The following CLIC4 variants were observed in gnomAD, a reference collection of about 807,000 sequenced individuals.
CLIC4 encodes the protein CLIC family member 4.
In CLIC4, 13 loss-of-function variants were observed where a neutral mutation model predicts 24.6. The observed-to-expected ratio is 0.53, with a 90% CI of 0.34 to 0.84. The LOEUF is 0.84. CLIC4 is among the 40% of genes least tolerant of loss of function. The pLI is 0.01. For synonymous variants in CLIC4, 104 were observed against 111.3 expected (o/e 0.93, Z 0.41); for missense variants, 227 against 301.7 (o/e 0.75, Z 1.83).
At chr1:24,817,445 T>A (rs1048733742) in intron 3 of CLIC4, among the ~76,000 whole-genome samples, 3 of 152,220 alleles carry the variant, frequency 2.0e-5, no homozygotes, top group African/African-American at 7.2e-5. Flanking sequence ...CAAACTTTCT[T>A]CTGTAGATTT....
intron 1 of CLIC4, among the ~76,000 whole-genome samples, chr1:24,789,827 G>A (rs1466623851): frequency 6.6e-6 from 1 of 151,448 alleles, no homozygotes; most frequent in Non-Finnish European, 1.5e-5. Flanking sequence ...TTTGCTTCAA[G>A]CAGATCATTC....
chr1:24,756,087 C>T (rs1020998983), intron 1 of CLIC4, among the ~76,000 whole-genome samples: 21 of 151,638 alleles, frequency 1.4e-4, no homozygotes, highest in Non-Finnish European at 1.2e-4. Context: ...GCAAGCTCCG[C>T]CTCCTGGGTT....
intron 1 of CLIC4, among the ~76,000 whole-genome samples, chr1:24,765,788 T>C (rs1308552529): frequency 6.6e-6 from 1 of 150,920 alleles, no homozygotes; most frequent in Non-Finnish European, 1.5e-5. Flanking sequence ...GTATTTTTCT[T>C]TCCTTCTTTT....
At chr1:24,800,994 T>A (rs2124137541) in intron 2 of CLIC4, among the ~76,000 whole-genome samples, 1 of 149,648 alleles carries the variant, frequency 6.7e-6, no homozygotes, top group African/African-American at 2.5e-5. Flanking sequence ...CTGCTGACCT[T>A]CCCTCCACTA....
chr1:24,791,639 G>T (rs1043144176), intron 1 of CLIC4, among the ~76,000 whole-genome samples: 2 of 152,124 alleles, frequency 1.3e-5, no homozygotes, highest in Admixed American at 6.6e-5. Context: ...ATTTTGGGAG[G>T]CCGAGGCGGG....
At chr1:24,784,412 A>G (rs1000931599) in intron 1 of CLIC4, among the ~76,000 whole-genome samples, 8 of 152,182 alleles carry the variant, frequency 5.3e-5, no homozygotes, top group African/African-American at 1.9e-4. Flanking sequence ...GGTCTTAACC[A>G]CCATTCTCTG....
At chr1:24,766,500 TTTTTTTTTTTTTTTTTTTTTTG>T in intron 1 of CLIC4, among the ~76,000 whole-genome samples, 1 of 86,898 alleles carries the variant, frequency 1.2e-5, no homozygotes, top group African/African-American at 4.9e-5. Flanking sequence ...TTTTTTTTTT[TTTTTTTTTTTTTTTTTTTTTTG>T]AGACGGGGTC....
At chr1:24,830,541 T>G (rs1025713861) in intron 4 of CLIC4, among the ~76,000 whole-genome samples, 12 of 152,160 alleles carry the variant, frequency 7.9e-5, no homozygotes, top group Admixed American at 5.2e-4. Context: ...GTTTGTGCAT[T>G]TTAAATTTTG....
intron 1 of CLIC4, among the ~76,000 whole-genome samples, chr1:24,750,000 C>T (rs1292757440): frequency 6.6e-6 from 1 of 152,150 alleles, no homozygotes; most frequent in Non-Finnish European, 1.5e-5. Context: ...GGGAGGATTC[C>T]TTTAGCCTGG....
At chr1:24,813,325 A>G (rs1354120520) in intron 2 of CLIC4, among the ~76,000 whole-genome samples, 2 of 152,064 alleles carry the variant, frequency 1.3e-5, no homozygotes, top group African/African-American at 2.4e-5. Flanking sequence ...TACAGCCGTG[A>G]GCCACCGTGC....
chr1:24,778,397 T>G (rs1639165787), intron 1 of CLIC4, among the ~76,000 whole-genome samples: 2 of 152,216 alleles, frequency 1.3e-5, no homozygotes, highest in Admixed American at 1.3e-4. Flanking sequence ...AATACACTAC[T>G]CAATACATAG....
rs111722087 is a variant in CLIC4, at chr1:24,762,275, A to G, written c.72+16650A>G. Among the ~76,000 whole-genome samples, 68 of 152,290 alleles carry G rather than the reference A, an allele frequency of 4.5e-4. 1 individual carries two copies. Among genetic ancestry groups the G allele is most frequent in the African/African-American group, 1.5e-3 (62 of 41,550 alleles). On this transcript the variant is annotated intron_variant, in intron 1 of 5. Transcript: ENST00000374379. ...CCTGCAAAAATAAAAATAAAAAATC[A>G]GCTGGGCGTGATGTCACATGCCTAT...
At chr1:24,781,131 T>A in intron 1 of CLIC4, among the ~76,000 whole-genome samples, 1 of 120,240 alleles carries the variant, frequency 8.3e-6, no homozygotes, top group African/African-American at 3.1e-5. Context: ...GACAGGTAAC[T>A]GAATTTTTTT....
chr1:24,774,235 C>T (rs1266803122), intron 1 of CLIC4, among the ~76,000 whole-genome samples: 1 of 152,180 alleles, frequency 6.6e-6, no homozygotes, highest in African/African-American at 2.4e-5. Context: ...CTTGGCCTCC[C>T]AAAGTGTTGG....
chr1:24,782,875 A>T (rs1331653647), intron 1 of CLIC4, among the ~76,000 whole-genome samples: 1 of 152,118 alleles, frequency 6.6e-6, no homozygotes, highest in Admixed American at 6.6e-5. Context: ...GCTACTGCAG[A>T]GGCTGTGGTG....
intron 3 of CLIC4, among the ~76,000 whole-genome samples, chr1:24,823,583 A>T (rs1639756038): frequency 1.3e-5 from 2 of 151,858 alleles, no homozygotes; most frequent in African/African-American, 4.8e-5. Flanking sequence ...GACCAGCCTG[A>T]CCAACATGGT....
chr1:24,793,837 T>G (rs1639367640), intron 1 of CLIC4, among the ~76,000 whole-genome samples: 1 of 152,166 alleles, frequency 6.6e-6, no homozygotes, highest in Admixed American at 6.5e-5. Flanking sequence ...CTCCATTAGT[T>G]TAGGAATTAA....
At chr1:24,756,677 T>G (rs1638854698) in intron 1 of CLIC4, among the ~76,000 whole-genome samples, 1 of 152,170 alleles carries the variant, frequency 6.6e-6, no homozygotes, top group South Asian at 2.1e-4. Context: ...TGAACAAATA[T>G]TGAAGAATAC....
intron 1 of CLIC4, among the ~76,000 whole-genome samples, chr1:24,746,850 G>C (rs1638705920): frequency 6.6e-6 from 1 of 152,140 alleles, no homozygotes; most frequent in African/African-American, 2.4e-5. Context: ...TCAAAAATTA[G>C]CTGGGAGCGA....
Sources: allele counts gnomAD v4.1 joint callset (sites outside exome capture counted in the v4.1 genomes callset), GRCh38; gene constraint gnomAD v4.1.1; transcripts MANE v1.5; gene names NCBI Gene and HGNC (gene_info 2026-07-23, HGNC 2026-07-21).